The following C8A variants were observed in gnomAD, a reference collection of about 807,000 sequenced individuals.
C8A encodes complement C8 alpha chain.
C8A carries 67 observed loss-of-function variants against 65.3 expected under a neutral mutation model. That is an observed-to-expected ratio of 1.03 (90% CI 0.84 to 1.26). The LOEUF (loss-of-function observed/expected upper bound fraction) is 1.26. Among genes scored for constraint, C8A ranks in the 50% most tolerant of loss-of-function variants. The pLI, the probability that C8A is intolerant of heterozygous loss-of-function variation, is 0.00. For synonymous variants in C8A, 290 were observed against 259.4 expected, an observed-to-expected ratio of 1.12 and a Z score of -1.13; for missense variants, 781 against 723.9, an observed-to-expected ratio of 1.08 and a Z score of -0.90.
At chr1:56,910,238 T>C (rs1202625258) in intron 9 of C8A, among the ~76,000 whole-genome samples, 1 of 152,196 alleles carries the variant, frequency 6.6e-6, no homozygotes, top group Admixed American at 6.5e-5. Flanking sequence ...TATGTTACGT[T>C]TGTGTTATGT....
intron 7 of C8A, among the ~76,000 whole-genome samples, chr1:56,887,777 T>C (rs1644312470): frequency 6.6e-6 from 1 of 152,118 alleles, no homozygotes; most frequent in Non-Finnish European, 1.5e-5. Context: ...ATGTGGCACA[T>C]ATACACCACG....
At chr1:56,912,739 C>T in intron 10 of C8A, 114 bp downstream of exon 10, 3 of 899,420 alleles carry the variant, frequency 3.3e-6, no homozygotes. Context: ...TAGCCAATAC[C>T]TAGGAGCCAC....
chr1:56,856,241 T>A lies in C8A; in HGVS notation c.77+1263T>A, dbSNP rs147621392. On this transcript the variant is annotated intron_variant, in intron 1 of 10. Coordinates refer to ENST00000361249, the MANE Select transcript of C8A (RefSeq NM_000562.3). Reference sequence around the variant, plus strand: ...TACATGGTGAAATGATTTTATTAGGTTCAAATTCTGGCACTGACATTCACT... The same window carrying A: ...TACATGGTGAAATGATTTTATTAGGATCAAATTCTGGCACTGACATTCACT... Among the ~76,000 whole-genome samples, 10 of 152,278 alleles carry A rather than the reference T, an allele frequency of 6.6e-5. No homozygotes were observed. In the East Asian group the frequency reaches 1.9e-3, roughly 29 times the overall value.
chr1:56,897,013 C>T (rs1464201124), intron 7 of C8A, among the ~76,000 whole-genome samples: 2 of 152,166 alleles, frequency 1.3e-5, no homozygotes, highest in Non-Finnish European at 2.9e-5. Flanking sequence ...CACAGCTGGT[C>T]AGAGGCAGGG....
At chr1:56,907,353 A>G (rs1486486200) in intron 8 of C8A, among the ~76,000 whole-genome samples, 2 of 152,186 alleles carry the variant, frequency 1.3e-5, no homozygotes. Flanking sequence ...AGTGGGTGGA[A>G]TAGATATTAA....
At chr1:56,886,195 CA>C in intron 7 of C8A, 28 bp downstream of exon 7, 1 of 1,612,854 alleles carries the variant, frequency 6.2e-7, no homozygotes, top group Non-Finnish European at 8.5e-7. Context: ...TCTATGTACA[CA>C]GTAGTCAACA....
In C8A at chr1:56,890,308, C is replaced by A. The variant is rs146309755; in HGVS notation, c.1096+4141C>A. ...TGAAACCCGCTCTGATATTGCTCCA[C>A]CCCTTCTCCCATAGTTTCATCTGTT... On this transcript the variant is annotated intron_variant, in intron 7 of 10. Coordinates refer to ENST00000361249, the MANE Select transcript of C8A (RefSeq NM_000562.3). Among the ~76,000 whole-genome samples the A allele has an allele frequency of 5.9e-5, 9 of 152,258 alleles. No homozygotes were observed. In the East Asian group the frequency reaches 1.7e-3, roughly 29 times the overall value.
chr1:56,855,893 T>A (rs1474684795), intron 1 of C8A, among the ~76,000 whole-genome samples: 1 of 152,148 alleles, frequency 6.6e-6, no homozygotes, highest in Non-Finnish European at 1.5e-5. Flanking sequence ...AATTTGTAAC[T>A]TGTATTTAAA....
intron 7 of C8A, among the ~76,000 whole-genome samples, chr1:56,901,779 G>T (rs1225068696): frequency 6.6e-6 from 1 of 151,964 alleles, no homozygotes; most frequent in Non-Finnish European, 1.5e-5. Flanking sequence ...ATCCCTACTT[G>T]TTCTACTTGT....
intron 1 of C8A, among the ~76,000 whole-genome samples, chr1:56,857,052 G>A (rs927258966): frequency 4.0e-5 from 6 of 151,834 alleles, no homozygotes; most frequent in African/African-American, 9.7e-5. Flanking sequence ...AATGTATTGG[G>A]ATTTGTTTTT....
Position 56,912,474 on chromosome 1 carries a change from C to G in C8A, c.1452C>G (p.Arg484=). The G allele has an allele frequency of 3.7e-6, 6 of 1,614,232 alleles. No individual in the cohort carries two copies. Among genetic ancestry groups the G allele is most frequent in the Non-Finnish European group, 4.2e-6 (5 of 1,180,036 alleles). Residue 484 remains arginine (R), a synonymous_variant, in exon 10 of 11, where the codon CGC becomes CGG. Coordinates refer to ENST00000361249, the MANE Select transcript of C8A (RefSeq NM_000562.3). ...TGGAGGCCAAGCGCCAGAACCTGCG[C>G]CGCGCCTTGGACCAGTATCTGATGG... ...GPLEAKRQNL[R]RALDQYLMEF...
intron 7 of C8A, among the ~76,000 whole-genome samples, chr1:56,891,475 G>A (rs529066747): frequency 1.3e-5 from 2 of 152,106 alleles, no homozygotes; most frequent in Non-Finnish European, 2.9e-5. Flanking sequence ...CAACGGGTCA[G>A]CAGACCATTC....
At chr1:56,871,532 A>G (rs1644147341) in intron 2 of C8A, among the ~76,000 whole-genome samples, 1 of 152,246 alleles carries the variant, frequency 6.6e-6, no homozygotes, top group African/African-American at 2.4e-5. Flanking sequence ...CAATGTTCTC[A>G]GACATATTTC....
At chr1:56,904,827 C>G (rs1644451766) in intron 7 of C8A, among the ~76,000 whole-genome samples, 1 of 152,126 alleles carries the variant, frequency 6.6e-6, no homozygotes, top group South Asian at 2.1e-4. Context: ...TCTCTGCAGT[C>G]AAGTCATGCT....
Position 56,892,878 on chromosome 1 carries a change from A to T in C8A, c.1096+6711A>T, listed in dbSNP as rs1391686280. On this transcript the variant is annotated intron_variant, in intron 7 of 10. Coordinates refer to ENST00000361249, the MANE Select transcript of C8A (RefSeq NM_000562.3). ...TCAGGGAGTCTGATGGGACACCTCT[A>T]TCAGGGATGCTGTAATAGAAATCCT... Among the ~76,000 whole-genome samples, 3 of 152,148 alleles carry T rather than the reference A, an allele frequency of 2.0e-5. No homozygotes were observed. The East Asian group carries it at 5.8e-4, about 29-fold the overall frequency.
intron 4 of C8A, among the ~76,000 whole-genome samples, chr1:56,879,455 T>C (rs1570326891): frequency 6.6e-6 from 1 of 152,210 alleles, no homozygotes; most frequent in Admixed American, 6.5e-5. Flanking sequence ...GGTTATATTA[T>C]ACTCTTAGGG....
In C8A at chr1:56,912,473, G is replaced by A. The variant is rs200098041; in HGVS notation, c.1451G>A (p.Arg484His). The A allele has an allele frequency of 4.0e-5, 64 of 1,614,200 alleles. No homozygotes were observed. The highest frequency in any genetic ancestry group is 3.4e-4 in the South Asian group (31 of 91,074). The change falls in exon 10 of 11, where the codon CGC (arginine) becomes CAC (histidine). Residue 484 changes from arginine to histidine, a missense_variant. By Grantham distance (29) the Arg-to-His change is conservative. Coordinates refer to ENST00000361249, the MANE Select transcript of C8A (RefSeq NM_000562.3). ...CTGGAGGCCAAGCGCCAGAACCTGCGCCGCGCCTTGGACCAGTATCTGATG... is the reference window on the plus strand; with the variant it reads ...CTGGAGGCCAAGCGCCAGAACCTGCACCGCGCCTTGGACCAGTATCTGATG... ...GPLEAKRQNL[R>H]RALDQYLMEF...
chr1:56,863,311 G>A (rs924697879), intron 1 of C8A, among the ~76,000 whole-genome samples: 1 of 152,132 alleles, frequency 6.6e-6, no homozygotes, highest in Non-Finnish European at 1.5e-5. Context: ...TGGCTAAAAG[G>A]TTGGAGCCCT....
At chr1:56,903,441 C>A (rs980002165) in intron 7 of C8A, among the ~76,000 whole-genome samples, 1 of 152,150 alleles carries the variant, frequency 6.6e-6, no homozygotes, top group Non-Finnish European at 1.5e-5. Context: ...CACTGTGAGT[C>A]AATTAAACTT....
Sources: gnomAD v4.1 joint callset for allele counts (sites outside exome capture counted in the v4.1 genomes callset) on GRCh38, gnomAD v4.1.1 for gene constraint, MANE v1.5 for transcripts, NCBI Gene and HGNC (gene_info 2026-07-23, HGNC 2026-07-21) for gene names.